The following PLXDC2 variants were observed in gnomAD, a reference collection of about 807,000 sequenced individuals.
The protein encoded by PLXDC2 is plexin domain-containing protein 2.
Under a neutral mutation model 68.9 loss-of-function variants are expected in PLXDC2, and 40 were observed. The ratio of observed to expected loss-of-function variants is 0.58; its 90% CI spans 0.45 to 0.76. PLXDC2 has a LOEUF of 0.76. PLXDC2 is among the 30% of genes least tolerant of loss of function. PLXDC2 has a pLI of 0.00. For missense variants in PLXDC2, 644 were observed against 661.9 expected (o/e 0.97, Z 0.30); for synonymous variants, 243 against 234.2 (o/e 1.04, Z -0.34).
intron 2 of PLXDC2, among the ~76,000 whole-genome samples, chr10:20,038,675 A>T (rs1835622911): frequency 6.6e-6 from 1 of 152,196 alleles, no homozygotes; most frequent in South Asian, 2.1e-4. Context: ...GGCTTTTCAA[A>T]TGTGTTTAAA....
chr10:20,120,747 C>G (rs894173152), intron 4 of PLXDC2, among the ~76,000 whole-genome samples: 1 of 151,976 alleles, frequency 6.6e-6, no homozygotes, highest in Non-Finnish European at 1.5e-5. Context: ...CCTGAATAAT[C>G]CCTGAGGAGT....
In PLXDC2 at chr10:20,212,396, G is replaced by T. The variant is rs528585058; in HGVS notation, c.1122+667G>T. 8.2e-4 allele frequency among the ~76,000 whole-genome samples: 125 copies of T among 152,178 alleles called. 1 individual carries two copies. The highest frequency in any genetic ancestry group is 2.8e-3 in the African/African-American group (116 of 41,528). On this transcript the variant is annotated intron_variant, in intron 10 of 13. Coordinates refer to ENST00000377252, the MANE Select transcript of PLXDC2 (RefSeq NM_032812.9). The stretch of plus-strand genomic sequence containing the variant: ...ATAGAGACAAGGATGCAGTGAAGTC[G>T]TGTAAGCAATTGGATACCAGAAACA...
chr10:20,113,888 G>A (rs1167708323), intron 4 of PLXDC2, among the ~76,000 whole-genome samples: 1 of 152,146 alleles, frequency 6.6e-6, no homozygotes, highest in African/African-American at 2.4e-5. Context: ...CACTTTGGGA[G>A]GCTGAGGTGG....
chr10:19,887,572 A>T (rs1837872248), intron 1 of PLXDC2, among the ~76,000 whole-genome samples: 1 of 152,154 alleles, frequency 6.6e-6, no homozygotes, highest in Non-Finnish European at 1.5e-5. Context: ...GAAGACTTGG[A>T]AAATAATTTA....
chr10:20,174,901 C>T (rs1039643188), intron 7 of PLXDC2, among the ~76,000 whole-genome samples: 1 of 152,062 alleles, frequency 6.6e-6, no homozygotes, highest in Non-Finnish European at 1.5e-5. Context: ...CTTTTCTGAA[C>T]ACTTCTACTA....
At chr10:19,998,931 G>A (rs953638320) in intron 1 of PLXDC2, among the ~76,000 whole-genome samples, 1 of 152,120 alleles carries the variant, frequency 6.6e-6, no homozygotes, top group Non-Finnish European at 1.5e-5. Flanking sequence ...CTTACTAAAG[G>A]ATGAGCTTGA....
intron 2 of PLXDC2, among the ~76,000 whole-genome samples, chr10:20,038,015 C>T (rs949290141): frequency 6.6e-6 from 1 of 152,100 alleles, no homozygotes; most frequent in African/African-American, 2.4e-5. Context: ...GAGGCTGAGG[C>T]GGGCGGATGA....
At chr10:20,082,947 A>ATATGTATGTATGTATGTATG (rs143600746) in intron 4 of PLXDC2, among the ~76,000 whole-genome samples, 152 of 151,726 alleles carry the variant, frequency 1.0e-3, no homozygotes, top group African/African-American at 3.5e-3. Context: ...ATATGTACAT[A>ATATGTATGTATGTATGTATG]TATGTATGTA....
At chr10:19,930,922 C>T (rs970256180) in intron 1 of PLXDC2, among the ~76,000 whole-genome samples, 1 of 152,132 alleles carries the variant, frequency 6.6e-6, no homozygotes, top group Non-Finnish European at 1.5e-5. Flanking sequence ...CAAGATCACA[C>T]CACTGCACTC....
intron 1 of PLXDC2, among the ~76,000 whole-genome samples, chr10:19,975,946 A>C (rs1834446812): frequency 1.3e-5 from 2 of 151,952 alleles, no homozygotes; most frequent in South Asian, 4.2e-4. Context: ...GGAGATTGTA[A>C]TGAGCTGAGA....
At chr10:20,097,892 T>C (rs1238159483) in intron 4 of PLXDC2, among the ~76,000 whole-genome samples, 2 of 148,904 alleles carry the variant, frequency 1.3e-5, no homozygotes, top group Non-Finnish European at 3.0e-5. Context: ...GTTTATATAG[T>C]ATTAAGTTAT....
intron 9 of PLXDC2, among the ~76,000 whole-genome samples, chr10:20,189,913 T>C (rs987386545): frequency 4.0e-5 from 6 of 151,758 alleles, no homozygotes; most frequent in Non-Finnish European, 8.8e-5. Context: ...TTTCTTTTTT[T>C]CCAAACTCGG....
intron 9 of PLXDC2, among the ~76,000 whole-genome samples, chr10:20,205,452 T>G (rs1564352666): frequency 6.6e-6 from 1 of 152,130 alleles, no homozygotes; most frequent in Non-Finnish European, 1.5e-5. Context: ...TTTCTGTCCA[T>G]TTTGAATAAA....
chr10:20,053,211 G>A (rs1835934446), intron 3 of PLXDC2, among the ~76,000 whole-genome samples: 1 of 151,982 alleles, frequency 6.6e-6, no homozygotes. Flanking sequence ...CATGACATCT[G>A]TGTATACTGG....
rs372547206 is a variant in PLXDC2 at position 19,845,850 on chromosome 10, T to C, written c.112+28659T>C. ...ATTGCCATGGAAAAGGGGCAGTAAC[T>C]CCCAGGTGTTACCATAGTAATGGTA... is the stretch of plus-strand genomic sequence containing the variant. On this transcript the variant is annotated intron_variant, in intron 1 of 13. Coordinates refer to ENST00000377252, the MANE Select transcript of PLXDC2 (RefSeq NM_032812.9). Among the ~76,000 whole-genome samples the C allele has an allele frequency of 1.4e-4, 22 of 152,150 alleles. No homozygotes were observed. In the East Asian group the frequency reaches 1.5e-3, roughly 11 times the overall value.
At chr10:20,025,810 A>G (rs964906004) in intron 2 of PLXDC2, among the ~76,000 whole-genome samples, 1 of 152,024 alleles carries the variant, frequency 6.6e-6, no homozygotes, top group Admixed American at 6.6e-5. Context: ...TAACTTTGAC[A>G]TAAGCTTTTT....
intron 1 of PLXDC2, among the ~76,000 whole-genome samples, chr10:19,916,213 C>CAT (rs1367532781): frequency 6.7e-6 from 1 of 148,538 alleles, no homozygotes; most frequent in East Asian, 2.0e-4. Flanking sequence ...ATGACAGGAT[C>CAT]ATGGCTCACT....
intron 1 of PLXDC2, among the ~76,000 whole-genome samples, chr10:19,915,771 G>C (rs2131377017): frequency 6.6e-6 from 1 of 152,058 alleles, no homozygotes; most frequent in Non-Finnish European, 1.5e-5. Context: ...TGATAAGAGG[G>C]TGGACTAAGG....
intron 13 of PLXDC2, among the ~76,000 whole-genome samples, chr10:20,266,126 A>T (rs933998110): frequency 3.3e-5 from 5 of 152,214 alleles, no homozygotes; most frequent in Non-Finnish European, 7.3e-5. Context: ...ATAAGGTCAC[A>T]TAAGACGTTT....
Sources: gnomAD v4.1 joint callset for allele counts (sites outside exome capture counted in the v4.1 genomes callset) on GRCh38, gnomAD v4.1.1 for gene constraint, MANE v1.5 for transcripts, NCBI Gene and HGNC (gene_info 2026-07-23, HGNC 2026-07-21) for gene names.